CCSER2: variants seen among roughly 807,000 people sequenced by gnomAD.
CCSER2 encodes the protein serine-rich coiled-coil domain-containing protein 2.
Under a neutral mutation model 92.3 loss-of-function variants are expected in CCSER2, and 46 were observed. The ratio of observed to expected loss-of-function variants is 0.50; its 90% confidence interval spans 0.39 to 0.64. CCSER2 has a LOEUF of 0.64. CCSER2 is among the 30% of genes least tolerant of loss of function. The pLI, the probability that CCSER2 is intolerant of heterozygous loss-of-function variation, is 0.00. For synonymous variants in CCSER2, 433 were observed against 431.4 expected (o/e 1.00, Z -0.04); for missense variants, 1,244 against 1,238.9 (o/e 1.00, Z -0.06).
chr10:84,376,376 C>A (rs1846339349), intron 3 of CCSER2, among the ~76,000 whole-genome samples: 1 of 152,148 alleles, frequency 6.6e-6, no homozygotes, highest in Non-Finnish European at 1.5e-5. Context: ...TGTTCCCTTT[C>A]TGTTCCTTTC....
At chr10:84,485,236 G>A (rs1847736059) in intron 9 of CCSER2, among the ~76,000 whole-genome samples, 1 of 152,148 alleles carries the variant, frequency 6.6e-6, no homozygotes, top group African/African-American at 2.4e-5. Context: ...GCACGCTTCT[G>A]TGCCATTTTA....
intron 1 of CCSER2, among the ~76,000 whole-genome samples, chr10:84,342,738 TTTTG>T (rs570076681): frequency 1.6e-4 from 25 of 152,172 alleles, no homozygotes; most frequent in Non-Finnish European, 3.5e-4. Flanking sequence ...AACATTTTAC[TTTTG>T]CTTCCTCTGT....
intron 9 of CCSER2, among the ~76,000 whole-genome samples, chr10:84,500,950 G>A (rs1848687548): frequency 6.6e-6 from 1 of 152,164 alleles, no homozygotes. Context: ...TTCCAGAGAA[G>A]GCATGAAGTT....
chr10:84,333,670 G>A (rs1368402249), intron 1 of CCSER2, among the ~76,000 whole-genome samples: 2 of 152,176 alleles, frequency 1.3e-5, no homozygotes, highest in East Asian at 3.8e-4. Flanking sequence ...AATAGGAAGT[G>A]GTTGAAATAT....
intron 9 of CCSER2, among the ~76,000 whole-genome samples, chr10:84,496,462 T>G (rs1298561115): frequency 6.6e-6 from 1 of 151,946 alleles, no homozygotes; most frequent in Admixed American, 6.6e-5. Context: ...ATTTTTTGTA[T>G]TTTTAGTAGA....
chr10:84,394,384 TATG>T (rs769901937), intron 3 of CCSER2, among the ~76,000 whole-genome samples: 7 of 100,784 alleles, frequency 6.9e-5, no homozygotes, highest in African/African-American at 1.8e-4. Flanking sequence ...AAAAGGAAAG[TATG>T]TGTGTGTGTG....
At chr10:84,384,860 C>G (rs1005297301) in intron 3 of CCSER2, among the ~76,000 whole-genome samples, 1 of 151,874 alleles carries the variant, frequency 6.6e-6, no homozygotes, top group Non-Finnish European at 1.5e-5. Flanking sequence ...CTTAGAAAAC[C>G]CTAAAGATTC....
At chr10:84,504,554 G>T (rs1589833589) in intron 9 of CCSER2, among the ~76,000 whole-genome samples, 1 of 152,158 alleles carries the variant, frequency 6.6e-6, no homozygotes, top group Non-Finnish European at 1.5e-5. Flanking sequence ...AGTCCTTTTG[G>T]CTGGAGAATT....
chr10:84,510,300 G>A (rs947186846), intron 9 of CCSER2, among the ~76,000 whole-genome samples: 6 of 151,992 alleles, frequency 3.9e-5, no homozygotes, highest in African/African-American at 1.5e-4. Flanking sequence ...TAAAACTCAG[G>A]GCAGATTGTT....
intron 3 of CCSER2, among the ~76,000 whole-genome samples, chr10:84,403,564 A>G (rs556291885): frequency 6.6e-6 from 1 of 152,300 alleles, no homozygotes; most frequent in African/African-American, 2.4e-5. Flanking sequence ...AAAATATCTA[A>G]CAAACTCTGA....
chr10:84,393,354 G>T (rs1340127144), intron 3 of CCSER2, among the ~76,000 whole-genome samples: 1 of 152,146 alleles, frequency 6.6e-6, no homozygotes, highest in Non-Finnish European at 1.5e-5. Flanking sequence ...GGTAAAAGAT[G>T]TGTAAAAGGC....
At chr10:84,402,576 G>A (rs534196211) in intron 3 of CCSER2, among the ~76,000 whole-genome samples, 1 of 152,158 alleles carries the variant, frequency 6.6e-6, no homozygotes, top group Non-Finnish European at 1.5e-5. Context: ...AACAATTGTT[G>A]GAGAAAAGAC....
At chr10:84,489,278 A>G (rs957512342) in intron 9 of CCSER2, among the ~76,000 whole-genome samples, 10 of 152,210 alleles carry the variant, frequency 6.6e-5, no homozygotes, top group Admixed American at 2.0e-4. Context: ...GCTGAGTTCA[A>G]TTCCTGGATC....
chr10:84,513,169 T>G (rs1427851812), intron 9 of CCSER2, among the ~76,000 whole-genome samples: 2 of 152,198 alleles, frequency 1.3e-5, no homozygotes, highest in Admixed American at 6.5e-5. Context: ...ATGGCAGGAA[T>G]TTTTTCTATA....
chr10:84,394,807 C>T, intron 3 of CCSER2, among the ~76,000 whole-genome samples: 1 of 152,072 alleles, frequency 6.6e-6, no homozygotes, highest in East Asian at 1.9e-4. Flanking sequence ...AGACCATGAA[C>T]AGAGTACTTT....
At position 84,514,145 on chromosome 10, in the gene CCSER2, A is replaced by G; in HGVS notation, c.3022A>G (p.Ser1008Gly). Residue 1008 changes from serine (S) to glycine (G), a missense_variant, in exon 10 of 10, where the codon AGC becomes GGC. Coordinates refer to ENST00000372088, the MANE Select transcript of CCSER2 (RefSeq NM_001284240.2). ...LEPQSFQAKT[S>G]IPRPLTQRKE... ...GCCTCAAAGCTTCCAGGCCAAGACA[A>G]GCATCCCAAGGCCACTAACACAACG... 1.3e-6 allele frequency: 2 copies of G among 1,536,344 alleles called. No homozygotes were observed. The highest frequency in any genetic ancestry group is 2.4e-5 in the South Asian group (2 of 84,058).
At chr10:84,474,270 C>T (rs1846997081) in intron 8 of CCSER2, among the ~76,000 whole-genome samples, 1 of 152,134 alleles carries the variant, frequency 6.6e-6, no homozygotes, top group Admixed American at 6.5e-5. Flanking sequence ...AAAACCAAGA[C>T]AGACCTGAGT....
intron 9 of CCSER2, among the ~76,000 whole-genome samples, chr10:84,501,735 C>G (rs541271993): frequency 1.5e-5 from 2 of 130,902 alleles, no homozygotes; most frequent in Admixed American, 8.2e-5. Flanking sequence ...TTTTTTAAAC[C>G]TTTCTAGATC....
At chr10:84,362,249 T>C (rs11595766) in intron 1 of CCSER2, among the ~76,000 whole-genome samples, 22,977 of 152,156 alleles carry the variant, frequency 0.15, 1,860 homozygotes, top group Admixed American at 0.24. Context: ...ATGTTAAATG[T>C]TTGCTTGTTT....
Sources: allele counts gnomAD v4.1 joint callset (sites outside exome capture counted in the v4.1 genomes callset), GRCh38; gene constraint gnomAD v4.1.1; transcripts MANE v1.5; gene names NCBI Gene and HGNC (gene_info 2026-07-23, HGNC 2026-07-21).